Variants in UBE2Q2 observed in about 807,000 individuals in gnomAD.
UBE2Q2 encodes ubiquitin conjugating enzyme E2 Q2.
UBE2Q2 carries 54 observed loss-of-function variants against 59.9 expected under a neutral mutation model. The observed-to-expected ratio is 0.90, with a 90% CI of 0.72 to 1.13. The LOEUF is 1.13. UBE2Q2 is among the 50% of genes most tolerant of loss of function. UBE2Q2 has a pLI of 0.00. For synonymous variants in UBE2Q2, 165 were observed against 155.2 expected (o/e 1.06, Z -0.47); for missense variants, 433 against 441.9 (o/e 0.98, Z 0.18).
intron 1 of UBE2Q2, among the ~76,000 whole-genome samples, chr15:75,852,644 A>G (rs964692966): frequency 3.9e-5 from 6 of 152,238 alleles, no homozygotes; most frequent in African/African-American, 1.4e-4. Context: ...CTAAGGGAAA[A>G]GAAACCTAAA....
chr15:75,893,912 C>G (rs1432115296), intron 11 of UBE2Q2, among the ~76,000 whole-genome samples: 1 of 152,178 alleles, frequency 6.6e-6, no homozygotes, highest in Non-Finnish European at 1.5e-5. Flanking sequence ...CCCCTCCTCT[C>G]CCTCCCTCTT....
At chr15:75,886,009 C>T (rs1898743216) in intron 9 of UBE2Q2, among the ~76,000 whole-genome samples, 1 of 152,002 alleles carries the variant, frequency 6.6e-6, no homozygotes, top group South Asian at 2.1e-4. Flanking sequence ...GCTGACACCA[C>T]CAGTCTTTTA....
intron 8 of UBE2Q2, among the ~76,000 whole-genome samples, chr15:75,880,406 C>T (rs1898338873): frequency 6.6e-6 from 1 of 151,828 alleles, no homozygotes; most frequent in African/African-American, 2.4e-5. Context: ...AGCCACCACA[C>T]CTGGCCTAAT....
Position 75,897,022 on chromosome 15 carries a change from C to A in UBE2Q2, c.1057C>A (p.Gln353Lys), listed in dbSNP as rs566084326. 63 of 1,572,668 alleles carry A rather than the reference C, an allele frequency of 4.0e-5. No individual in the cohort carries two copies. Among genetic ancestry groups the A allele is most frequent in the Non-Finnish European group, 5.2e-5 (60 of 1,156,824 alleles). The change falls in exon 12 of 13, where the codon CAA (glutamine) becomes AAA (lysine). Residue 353 changes from glutamine (Q) to lysine (K), a missense_variant. Physicochemically the swap from Gln to Lys is moderately conservative, Grantham distance 53 (BLOSUM62 1). Transcript: ENST00000267938. Reference sequence around the variant, plus strand: ...TCAATATAATCTAGCAAGAGCCCAACAATCCTATAATTCCATTGTACAGAT... The same window carrying A: ...TCAATATAATCTAGCAAGAGCCCAAAAATCCTATAATTCCATTGTACAGAT... ...KNQYNLARAQQSYNSIVQIHE... is the reference protein window; with the variant it reads ...KNQYNLARAQKSYNSIVQIHE...
rs1250476086 is a variant in UBE2Q2 at position 75,878,407 on chromosome 15, CAT to C, written c.734+388_734+389del. 4.0e-5 allele frequency: 6 copies of C among 148,256 alleles called. No individual in the cohort carries two copies. In the East Asian group the frequency reaches 1.2e-3, roughly 29 times the overall value. The allele number at this position is 148,256 out of a possible 1,614,324, so 9.2% of individuals were successfully genotyped here. Reference sequence around the variant, plus strand: ...AGGAGTTTGAGACCAGCCTGGGCAACATAGCAAGACTTCATCTCTACAAAAAA... The same window carrying C: ...AGGAGTTTGAGACCAGCCTGGGCAACAGCAAGACTTCATCTCTACAAAAAA... On this transcript the variant is annotated intron_variant, in intron 7 of 12. Transcript: ENST00000267938.
At chr15:75,844,292 T>A in intron 1 of UBE2Q2, 1 of 1,545,190 alleles carries the variant, frequency 6.5e-7, no homozygotes, top group Non-Finnish European at 8.7e-7. Flanking sequence ...TCAGTCGGAT[T>A]TTCCTTCTTC....
chr15:75,888,517 CCTTA>C (rs1409280246), intron 9 of UBE2Q2, among the ~76,000 whole-genome samples: 1 of 151,894 alleles, frequency 6.6e-6, no homozygotes, highest in Non-Finnish European at 1.5e-5. Context: ...CTTAGATGAC[CCTTA>C]CTTAGATCAT....
chr15:75,851,656 CA>C (rs1896639987), intron 1 of UBE2Q2, among the ~76,000 whole-genome samples: 1 of 152,064 alleles, frequency 6.6e-6, no homozygotes, highest in African/African-American at 2.4e-5. Flanking sequence ...AAATGACTGC[CA>C]AAAACCCAAG....
intron 2 of UBE2Q2, among the ~76,000 whole-genome samples, chr15:75,856,269 G>GTGTGTGTGTGTGTGTGTGTGTATATATA: frequency 7.2e-6 from 1 of 139,286 alleles, no homozygotes; most frequent in South Asian, 2.3e-4. Flanking sequence ...GTGTGTGTGT[G>GTGTGTGTGTGTGTGTGTGTGTATATATA]TATATATATA....
At chr15:75,886,238 G>C (rs1392956535) in intron 9 of UBE2Q2, among the ~76,000 whole-genome samples, 1 of 151,972 alleles carries the variant, frequency 6.6e-6, no homozygotes, top group Non-Finnish European at 1.5e-5. Flanking sequence ...TCCTGCCTCA[G>C]CCTCCTGAGT....
At position 75,900,634 on chromosome 15, in the gene UBE2Q2, A is replaced by T. The variant is rs1426863515; in HGVS notation, c.*1176A>T. On this transcript the variant is annotated 3_prime_UTR_variant, in exon 13 of 13. Transcript: ENST00000267938. ...CAAAGTTCAAAAGTGTTTCTTGTGC[A>T]TTAGCTTTGAGATTCAGTTTTTAAC... is the stretch of plus-strand genomic sequence containing the variant. The T allele has an allele frequency of 3.9e-5, 6 of 152,644 alleles. No homozygotes were observed. The highest frequency in any genetic ancestry group is 2.1e-4 in the South Asian group (1 of 4,834). 9.5% of individuals were successfully genotyped at this position (152,644 alleles called of 1,614,324 possible).
intron 2 of UBE2Q2, 43 bp downstream of exon 2, chr15:75,854,530 A>T (rs1170208993): frequency 1.6e-6 from 2 of 1,218,146 alleles, no homozygotes; most frequent in Non-Finnish European, 2.4e-6. Flanking sequence ...CCTCATGAAC[A>T]TTACATATAG....
chr15:75,844,207 G>GGCGGC, intron 1 of UBE2Q2: 3 of 1,461,494 alleles, frequency 2.1e-6, no homozygotes, highest in South Asian at 2.8e-5. Context: ...GGCGGGGCGG[G>GGCGGC]GCGGCGCAGC....
chr15:75,843,697 A>T lies in UBE2Q2; in HGVS notation c.31A>T (p.Lys11Ter). 6.2e-7 allele frequency: 1 copy of T among 1,610,970 alleles called. No homozygotes were observed. The highest frequency in any genetic ancestry group is 8.5e-7 in the Non-Finnish European group (1 of 1,178,758). Residue 11 changes from lysine to a stop codon, truncating the protein, a stop_gained, in exon 1 of 13, where the codon AAG (lysine) becomes TAG (stop). Transcript: ENST00000267938. LOFTEE classifies it high-confidence loss of function. MSVSGLKAEL[K>*]FLASIFDKNH... ...CGTGTCAGGGCTCAAGGCCGAGCTG[A>T]AGTTCCTGGCGTCCATCTTCGACAA...
At position 75,862,814 on chromosome 15, in the gene UBE2Q2, C is replaced by CAA. The variant is rs71140182; in HGVS notation, c.387+2856_387+2857dup. 3.0e-3 allele frequency among the ~76,000 whole-genome samples: 159 copies of CAA among 53,886 alleles called. 2 individuals carry two copies. Among genetic ancestry groups the CAA allele is most frequent in the African/African-American group, 8.5e-3 (121 of 14,256 alleles). 35.4% of individuals were successfully genotyped at this position (53,886 alleles called of 152,430 possible). A position where few individuals can be genotyped will look rare whatever the true frequency, so the allele number is the denominator to read the frequency against. ...TGGGTGACAGAATGGAACCCTATCTCAAAAAAAAAAAAAAAAAAAAAAAAA... is the reference window on the plus strand; with the variant it reads ...TGGGTGACAGAATGGAACCCTATCTCAAAAAAAAAAAAAAAAAAAAAAAAAAA... On this transcript the variant is annotated intron_variant, in intron 3 of 12. Transcript: ENST00000267938.
At chr15:75,863,819 T>C (rs1897318821) in intron 3 of UBE2Q2, among the ~76,000 whole-genome samples, 1 of 152,026 alleles carries the variant, frequency 6.6e-6, no homozygotes, top group South Asian at 2.1e-4. Flanking sequence ...ATTTTTTGTA[T>C]TTTTTAGTAG....
chr15:75,887,087 A>G (rs1898822340), intron 9 of UBE2Q2, among the ~76,000 whole-genome samples: 1 of 149,280 alleles, frequency 6.7e-6, no homozygotes, highest in Admixed American at 6.6e-5. Flanking sequence ...TATTGTTCTC[A>G]TTATTCAAAT....
Position 75,865,091 on chromosome 15 carries a change from G to A in UBE2Q2, c.388-3860G>A, listed in dbSNP as rs146237991. 2.6e-5 allele frequency among the ~76,000 whole-genome samples: 4 copies of A among 152,326 alleles called. No homozygotes were observed. The East Asian group carries it at 7.7e-4, about 29-fold the overall frequency. ...TCATAATTAGAGTGAATACTTGGGA[G>A]CCAACACCTAGCCAGCACCCAGGTG... On this transcript the variant is annotated intron_variant, in intron 3 of 12. Coordinates refer to ENST00000267938, the MANE Select transcript of UBE2Q2 (RefSeq NM_173469.4).
rs1246241580 is a variant in UBE2Q2 at position 75,900,917 on chromosome 15, AGACT to A, written c.*1462_*1465del. The A allele has an allele frequency of 6.5e-6, 1 of 152,686 alleles. No individual in the cohort carries two copies. Among genetic ancestry groups the A allele is most frequent in the Admixed American group, 6.5e-5 (1 of 15,288 alleles). The allele number at this position is 152,686 out of a possible 1,614,324, so 9.5% of individuals were successfully genotyped here. A position where few individuals can be genotyped will look rare whatever the true frequency, so the allele number is the denominator to read the frequency against. On this transcript the variant is annotated 3_prime_UTR_variant, in exon 13 of 13. Coordinates refer to ENST00000267938, the MANE Select transcript of UBE2Q2 (RefSeq NM_173469.4). ...ATTCTTTAATATCCTGATGGCAAGC[AGACT>A]GATAGCTGCACATTTGGCATGCTTT...
Sources: allele counts gnomAD v4.1 joint callset (sites outside exome capture counted in the v4.1 genomes callset), GRCh38; gene constraint gnomAD v4.1.1; transcripts MANE v1.5; gene names NCBI Gene and HGNC (gene_info 2026-07-23, HGNC 2026-07-21).